Variants in MCF2L2 observed in about 807,000 individuals in gnomAD.
The protein encoded by MCF2L2 is probable guanine nucleotide exchange factor MCF2L2.
In MCF2L2, 102 loss-of-function variants were observed where a neutral mutation model predicts 150.2. The ratio of observed to expected loss-of-function variants is 0.68; its 90% CI spans 0.58 to 0.80. The LOEUF is 0.80. Among genes scored for constraint, MCF2L2 ranks in the 30% least tolerant of loss-of-function variants. The probability of loss-of-function intolerance (pLI) is 0.00; values close to 1 mark genes in which losing one functional copy is unlikely to be tolerated. For missense variants in MCF2L2, 1,256 were observed against 1,372.8 expected (o/e 0.91, Z 1.34); for synonymous variants, 465 against 491.3 (o/e 0.95, Z 0.71).
At chr3:183,311,931 A>C (rs1302045079) in intron 7 of MCF2L2, among the ~76,000 whole-genome samples, 159 bp from the exon 8 acceptor site, 1 of 152,264 alleles carries the variant, frequency 6.6e-6, no homozygotes, top group Non-Finnish European at 1.5e-5. Flanking sequence ...TATCCTTGAC[A>C]GGTAACACAC....
chr3:183,396,192 T>C (rs1424215044), intron 1 of MCF2L2, among the ~76,000 whole-genome samples: 1 of 151,950 alleles, frequency 6.6e-6, no homozygotes, highest in Non-Finnish European at 1.5e-5. Flanking sequence ...ACTCCACAGC[T>C]CTTGGTTTAT....
At chr3:183,393,342 T>G (rs1038259996) in intron 1 of MCF2L2, among the ~76,000 whole-genome samples, 1 of 151,834 alleles carries the variant, frequency 6.6e-6, no homozygotes, top group Admixed American at 6.6e-5. Context: ...TACAGGCACC[T>G]GCCACCACGC....
chr3:183,419,462 G>C (rs570867314), intron 1 of MCF2L2, among the ~76,000 whole-genome samples: 19 of 152,266 alleles, frequency 1.2e-4, no homozygotes, highest in African/African-American at 4.6e-4. Flanking sequence ...CACATGGTCA[G>C]GTAGGCTGCA....
chr3:183,268,583 A>G (rs1047177167), intron 15 of MCF2L2, among the ~76,000 whole-genome samples: 9 of 152,228 alleles, frequency 5.9e-5, no homozygotes, highest in Non-Finnish European at 1.0e-4. Context: ...AAACAGGAAC[A>G]GCAGGTTTTA....
At chr3:183,364,489 C>T (rs1712408020) in intron 3 of MCF2L2, among the ~76,000 whole-genome samples, 2 of 151,982 alleles carry the variant, frequency 1.3e-5, no homozygotes, top group South Asian at 4.2e-4. Flanking sequence ...CACTGCACTC[C>T]AGCCTGGGCA....
chr3:183,261,995 C>CAT (rs61309164), intron 15 of MCF2L2, among the ~76,000 whole-genome samples: 2,245 of 128,540 alleles, frequency 0.017, 33 homozygotes, highest in East Asian at 0.059. Flanking sequence ...ATTGGGCATT[C>CAT]ATATATATAT....
chr3:183,234,404 C>T (rs919786595), intron 15 of MCF2L2, among the ~76,000 whole-genome samples: 3 of 152,094 alleles, frequency 2.0e-5, no homozygotes, highest in South Asian at 2.1e-4. Flanking sequence ...ATTCACATCT[C>T]TGAAGGAAAA....
At chr3:183,379,772 G>C (rs534139240) in intron 2 of MCF2L2, among the ~76,000 whole-genome samples, 8 of 152,230 alleles carry the variant, frequency 5.3e-5, no homozygotes, top group African/African-American at 1.9e-4. Context: ...GTGGTTAAGA[G>C]AGTTAACGCT....
intron 1 of MCF2L2, among the ~76,000 whole-genome samples, chr3:183,405,221 GATT>G (rs1419284627): frequency 1.3e-5 from 2 of 152,110 alleles, no homozygotes; most frequent in Non-Finnish European, 2.9e-5. Context: ...AAAGGTAACT[GATT>G]ATTATTAGAA....
At chr3:183,249,431 G>C (rs1359563849) in intron 15 of MCF2L2, among the ~76,000 whole-genome samples, 1 of 152,210 alleles carries the variant, frequency 6.6e-6, no homozygotes, top group African/African-American at 2.4e-5. Flanking sequence ...CTGTCCCTGA[G>C]AGGCCCCACT....
intron 27 of MCF2L2, 90 bp from the exon 28 acceptor site, chr3:183,180,249 G>A: frequency 2.5e-6 from 2 of 805,768 alleles, no homozygotes; most frequent in Non-Finnish European, 4.3e-6. Context: ...AGTGCCTGTT[G>A]CAGGCACGGT....
At chr3:183,350,671 G>A (rs1302322492) in intron 3 of MCF2L2, among the ~76,000 whole-genome samples, 5 of 152,140 alleles carry the variant, frequency 3.3e-5, no homozygotes, top group Non-Finnish European at 7.4e-5. Flanking sequence ...TTGGGAGGCC[G>A]AGGCAGGTGG....
intron 6 of MCF2L2, among the ~76,000 whole-genome samples, chr3:183,321,328 CT>C (rs1160631555): frequency 1.4e-4 from 21 of 151,364 alleles, no homozygotes; most frequent in African/African-American, 5.1e-4. Flanking sequence ...ATCCCAGTTA[CT>C]TGGGAGGCTG....
intron 1 of MCF2L2, among the ~76,000 whole-genome samples, chr3:183,417,611 TA>T (rs1228951398): frequency 6.6e-6 from 1 of 152,206 alleles, no homozygotes; most frequent in Non-Finnish European, 1.5e-5. Context: ...TAGTATTCCT[TA>T]AAAGGTAGAT....
intron 6 of MCF2L2, among the ~76,000 whole-genome samples, chr3:183,320,324 C>T (rs1191204591): frequency 6.6e-6 from 1 of 152,040 alleles, no homozygotes; most frequent in African/African-American, 2.4e-5. Flanking sequence ...GAACTACTGA[C>T]CTCAGGTGAT....
rs777258683 is a variant in MCF2L2, at chr3:183,354,692, G to A, written c.276-13062C>T. Among the ~76,000 whole-genome samples the A allele has an allele frequency of 1.2e-4, 18 of 152,278 alleles. 1 individual carries two copies. In the Middle Eastern group the frequency reaches 0.01, roughly 86 times the overall value. On this transcript the variant is annotated intron_variant, in intron 3 of 29. Coordinates refer to ENST00000328913, the MANE Select transcript of MCF2L2 (RefSeq NM_015078.4). The stretch of plus-strand genomic sequence containing the variant: ...GTACATCTTACATGTATTGATTGTT[G>A]TTTGCCTGTAACTCCTGTCTCCCTA...
chr3:183,276,163 T>C (rs1727144330), intron 15 of MCF2L2, among the ~76,000 whole-genome samples: 1 of 152,248 alleles, frequency 6.6e-6, no homozygotes, highest in African/African-American at 2.4e-5. Flanking sequence ...CCCACATGTT[T>C]CTTTGAATAC....
intron 1 of MCF2L2, among the ~76,000 whole-genome samples, chr3:183,406,496 G>C (rs2039880394): frequency 6.6e-6 from 1 of 151,818 alleles, no homozygotes; most frequent in Non-Finnish European, 1.5e-5. Flanking sequence ...CACAAGTCTT[G>C]GTTTTTTTTG....
At chr3:183,290,515 G>A (rs1362293950) in intron 13 of MCF2L2, among the ~76,000 whole-genome samples, 1 of 152,022 alleles carries the variant, frequency 6.6e-6, no homozygotes, top group Non-Finnish European at 1.5e-5. Flanking sequence ...ATCCCAGGCA[G>A]GATTTGAGCA....
Sources: allele counts gnomAD v4.1 joint callset (sites outside exome capture counted in the v4.1 genomes callset), GRCh38; gene constraint gnomAD v4.1.1; transcripts MANE v1.5; gene names NCBI Gene and HGNC (gene_info 2026-07-23, HGNC 2026-07-21).